MEIOSIN: variants seen among roughly 807,000 people sequenced by gnomAD.
MEIOSIN encodes the protein meiosis initiator protein.
MEIOSIN carries 18 observed loss-of-function variants against 23.4 expected under a neutral mutation model. The observed-to-expected ratio is 0.77, with a 90% CI of 0.53 to 1.14. The LOEUF (loss-of-function observed/expected upper bound fraction) is 1.14. MEIOSIN is among the 50% of genes most tolerant of loss of function. The pLI is 0.00. For missense variants in MEIOSIN, 428 were observed against 242.9 expected (o/e 1.76, Z -5.07); for synonymous variants, 187 against 100.6 (o/e 1.86, Z -5.14).
chr19:45,758,415 G>A (rs1034107378), intron 9 of MEIOSIN, among the ~76,000 whole-genome samples: 6 of 151,096 alleles, frequency 4.0e-5, no homozygotes, highest in Non-Finnish European at 7.4e-5. Context: ...ACATCATTTT[G>A]CTTCATTTCT....
chr19:45,739,949 G>A (rs906655605), intron 3 of MEIOSIN, among the ~76,000 whole-genome samples: 1 of 151,948 alleles, frequency 6.6e-6, no homozygotes, highest in African/African-American at 2.4e-5. Flanking sequence ...TAGGGTTTAA[G>A]TGATTCTCCT....
At chr19:45,761,618 TG>T in intron 11 of MEIOSIN, 60 bp from the exon 12 acceptor site, 2 of 679,016 alleles carry the variant, frequency 2.9e-6, no homozygotes, top group Non-Finnish European at 2.7e-6. Context: ...AAAGCAGTAC[TG>T]GGGGGATGAA....
intron 5 of MEIOSIN, 82 bp from the exon 6 acceptor site, chr19:45,753,569 G>A (rs1306432767): frequency 1.6e-6 from 1 of 633,824 alleles, no homozygotes; most frequent in Non-Finnish European, 2.8e-6. Context: ...CGGGACTGAG[G>A]AGCATTGTCT....
chr19:45,748,094 T>C (rs1373461910), intron 4 of MEIOSIN, among the ~76,000 whole-genome samples: 1 of 151,840 alleles, frequency 6.6e-6, no homozygotes, highest in Non-Finnish European at 1.5e-5. Context: ...TTTTTTTTTT[T>C]TGAGACGGAG....
At chr19:45,763,523 T>C (rs1336395599) in intron 14 of MEIOSIN, 96 bp downstream of exon 14, 3 of 397,820 alleles carry the variant, frequency 7.5e-6, no homozygotes, top group African/African-American at 2.1e-5. Context: ...TGTCATGGCA[T>C]GGGAGACTGG....
At chr19:45,746,886 A>G (rs931097239) in intron 4 of MEIOSIN, among the ~76,000 whole-genome samples, 32 of 152,030 alleles carry the variant, frequency 2.1e-4, no homozygotes, top group Admixed American at 1.6e-3. Context: ...TTTCTGCCAT[A>G]CAAGGCAACA....
chr19:45,754,226 C>T (rs1411434232), intron 6 of MEIOSIN, among the ~76,000 whole-genome samples: 1 of 152,174 alleles, frequency 6.6e-6, no homozygotes, highest in African/African-American at 2.4e-5. Context: ...ATCTGCCTGC[C>T]TCGGCCTCCC....
intron 14 of MEIOSIN, 94 bp downstream of exon 14, chr19:45,763,521 C>A: frequency 2.5e-6 from 1 of 398,038 alleles, no homozygotes; most frequent in Non-Finnish European, 4.4e-6. Context: ...GGTGTCATGG[C>A]ATGGGAGACT....
At chr19:45,739,415 A>G (rs912705140) in intron 2 of MEIOSIN, among the ~76,000 whole-genome samples, 1 of 151,936 alleles carries the variant, frequency 6.6e-6, no homozygotes, top group Non-Finnish European at 1.5e-5. Context: ...AACCTCCCAA[A>G]GTGCTGGGAT....
intron 3 of MEIOSIN, among the ~76,000 whole-genome samples, chr19:45,743,955 T>C (rs1004582810): frequency 2.0e-5 from 3 of 150,544 alleles, no homozygotes; most frequent in African/African-American, 7.3e-5. Context: ...CCACACTCAG[T>C]CAAAAGCAAA....
intron 5 of MEIOSIN, among the ~76,000 whole-genome samples, chr19:45,750,995 G>A (rs1047436972): frequency 1.3e-5 from 2 of 152,096 alleles, no homozygotes; most frequent in Non-Finnish European, 1.5e-5. Context: ...GAAACAGGCC[G>A]GGCACAGTGG....
intron 4 of MEIOSIN, among the ~76,000 whole-genome samples, chr19:45,748,885 A>G (rs1207743936): frequency 6.6e-6 from 1 of 151,690 alleles, no homozygotes; most frequent in African/African-American, 2.4e-5. Flanking sequence ...CCTGGCCAAC[A>G]TGGTGAAACC....
chr19:45,745,137 G>C, intron 3 of MEIOSIN, 55 bp from the exon 4 acceptor site: 4 of 701,784 alleles, frequency 5.7e-6, no homozygotes, highest in Non-Finnish European at 7.8e-6. Context: ...TTGCGGGTTG[G>C]ATGTGGAATT....
rs561011619 is a variant in MEIOSIN, at chr19:45,761,852, G to A, written c.1419G>A (p.Leu473=). ...CGGAGGACAGCGACTCGGAGCCCCT[G>A]TGGAAGCAGCGAGAGGTGAGAGACA... ...SSSEDSDSEP[L]WKQREDMQAN... Residue 473 remains leucine, a synonymous_variant, in exon 12 of 15, where the codon CTG becomes CTA. Transcript: ENST00000457052. 12 of 677,270 alleles carry A rather than the reference G, an allele frequency of 1.8e-5. 1 individual carries two copies. In the South Asian group the frequency reaches 1.9e-4, roughly 11 times the overall value. The allele number at this position is 677,270 out of a possible 1,614,324, so 42.0% of individuals were successfully genotyped here. A position where few individuals can be genotyped will look rare whatever the true frequency, so the allele number is the denominator to read the frequency against.
intron 2 of MEIOSIN, among the ~76,000 whole-genome samples, chr19:45,735,853 T>C (rs984572341): frequency 3.4e-4 from 52 of 152,196 alleles, no homozygotes; most frequent in African/African-American, 1.3e-3. Flanking sequence ...ATTTTTGTAT[T>C]TTTTGTAAAG....
At chr19:45,752,500 C>A (rs779664304) in intron 5 of MEIOSIN, among the ~76,000 whole-genome samples, 2 of 152,210 alleles carry the variant, frequency 1.3e-5, no homozygotes, top group Admixed American at 6.6e-5. Flanking sequence ...AGCCATCGTG[C>A]CTGGCTCTGG....
At chr19:45,754,395 A>G in intron 6 of MEIOSIN, 84 bp from the exon 7 acceptor site, 1 of 631,618 alleles carries the variant, frequency 1.6e-6, no homozygotes, top group Non-Finnish European at 2.9e-6. Flanking sequence ...GACACTGACA[A>G]GGATGTTTCC....
At chr19:45,745,484 A>G (rs1968576929) in intron 4 of MEIOSIN, among the ~76,000 whole-genome samples, 163 bp downstream of exon 4, 1 of 152,312 alleles carries the variant, frequency 6.6e-6, no homozygotes, top group Non-Finnish European at 1.5e-5. Context: ...CTGTGATCCC[A>G]TAACTAGGTG....
chr19:45,739,853 C>CTTCCT, intron 3 of MEIOSIN, 123 bp downstream of exon 3: 3 of 524,484 alleles, frequency 5.7e-6, no homozygotes, highest in Non-Finnish European at 6.9e-6. Flanking sequence ...TTCTTTCTTC[C>CTTCCT]TTTTTTTTTT....
Sources: allele counts gnomAD v4.1 joint callset (sites outside exome capture counted in the v4.1 genomes callset), GRCh38; gene constraint gnomAD v4.1.1; transcripts MANE v1.5; gene names NCBI Gene and HGNC (gene_info 2026-07-23, HGNC 2026-07-21).